The following GLRA2 variants were observed in gnomAD, a reference collection of about 807,000 sequenced individuals.
GLRA2 encodes the protein glycine receptor subunit alpha-2.
A neutral mutation model predicts 31.6 loss-of-function variants in GLRA2; 11 were observed. That is an observed-to-expected ratio of 0.35 (90% CI 0.22 to 0.58). GLRA2 has a LOEUF of 0.58. Among genes scored for constraint, GLRA2 ranks in the 20% least tolerant of loss-of-function variants. The probability of loss-of-function intolerance (pLI) is 0.84; values close to 1 mark genes in which losing one functional copy is unlikely to be tolerated. For synonymous variants in GLRA2, 132 were observed against 134.0 expected (o/e 0.99, Z 0.10); for missense variants, 212 against 351.8 (o/e 0.60, Z 3.18).
chrX:14,726,524 T>A (rs1270456555), intron 8 of GLRA2, among the ~76,000 whole-genome samples: 2 of 112,464 alleles, frequency 1.8e-5, no homozygotes, highest in Non-Finnish European at 3.8e-5. Context: ...GAAGCATAAT[T>A]TGAAATAGTG....
chrX:14,676,960 A>G (rs2091151698), intron 7 of GLRA2, among the ~76,000 whole-genome samples: 1 of 111,652 alleles, frequency 9.0e-6, no homozygotes, highest in Non-Finnish European at 1.9e-5. Context: ...GCAACTAACC[A>G]AATTCCACCA....
chrX:14,674,503 T>G (rs972631042), intron 7 of GLRA2, among the ~76,000 whole-genome samples: 19 of 111,445 alleles, frequency 1.7e-4, no homozygotes, highest in African/African-American at 5.9e-4. Context: ...ATCTGCCAAA[T>G]GAGTGTTAAG....
chrX:14,557,816 G>T (rs1255350179), intron 2 of GLRA2, among the ~76,000 whole-genome samples: 1 of 111,274 alleles, frequency 9.0e-6, no homozygotes, highest in Non-Finnish European at 1.9e-5. Flanking sequence ...CCTAACAAAA[G>T]AGAATGATTT....
At chrX:14,622,400 C>T (rs1601774424) in intron 7 of GLRA2, among the ~76,000 whole-genome samples, 1 of 111,773 alleles carries the variant, frequency 8.9e-6, no homozygotes, top group South Asian at 3.8e-4. Context: ...GCTTTTGTTG[C>T]CATTGCTTTT....
chrX:14,566,294 C>T (rs2089804110), intron 2 of GLRA2, among the ~76,000 whole-genome samples: 1 of 112,069 alleles, frequency 8.9e-6, no homozygotes, highest in South Asian at 3.7e-4. Flanking sequence ...GAGATTGAAT[C>T]AGCAATCAGA....
rs139404975 is a variant in GLRA2 at position 14,690,790 on chromosome X, G to C, written c.1011G>C (p.Ala337=). Residue 337 remains alanine, a synonymous_variant, in exon 8 of 9, where the codon GCG becomes GCC. Transcript: ENST00000218075. ...FVFAALLEYA[A]VNFVSRQHKE... ...TTGCTGCCTTACTGGAATACGCAGCGGTGAACTTCGTCTCCAGGCAACACA... is the reference window on the plus strand; with the variant it reads ...TTGCTGCCTTACTGGAATACGCAGCCGTGAACTTCGTCTCCAGGCAACACA... 3.3e-6 allele frequency: 4 copies of C among 1,200,919 alleles called. No individual in the cohort carries two copies. Among genetic ancestry groups the C allele is most frequent in the South Asian group, 3.5e-5 (2 of 56,691 alleles).
At chrX:14,590,454 C>A (rs1483340037) in intron 4 of GLRA2, among the ~76,000 whole-genome samples, 1 of 112,105 alleles carries the variant, frequency 8.9e-6, no homozygotes, top group Non-Finnish European at 1.9e-5. Flanking sequence ...TAGTCTGATG[C>A]AAGAACTTCA....
intron 8 of GLRA2, among the ~76,000 whole-genome samples, chrX:14,707,963 G>A (rs766544938): frequency 9.9e-5 from 11 of 110,847 alleles, no homozygotes; most frequent in African/African-American, 3.6e-4. Context: ...ATTGTTACCA[G>A]TTTCTTTTTT....
At chrX:14,575,488 C>A (rs965931385) in intron 3 of GLRA2, among the ~76,000 whole-genome samples, 4 of 111,057 alleles carry the variant, frequency 3.6e-5, no homozygotes, top group Non-Finnish European at 7.5e-5. Context: ...GCGTGAGCCA[C>A]CACAGGATCT....
chrX:14,640,124 G>A (rs184469631), intron 7 of GLRA2, among the ~76,000 whole-genome samples: 9 of 110,608 alleles, frequency 8.1e-5, no homozygotes, highest in Non-Finnish European at 1.9e-5. Context: ...AATTTTTAAT[G>A]TTTGCTTTCC....
intron 7 of GLRA2, among the ~76,000 whole-genome samples, chrX:14,656,644 T>C (rs1435977858): frequency 8.9e-6 from 1 of 112,402 alleles, no homozygotes; most frequent in Non-Finnish European, 1.9e-5. Flanking sequence ...TAGTAGTTAT[T>C]CAGTCATTCA....
chrX:14,466,772 C>T, the GLRA2 span, among the ~76,000 whole-genome samples: 1 of 112,153 alleles, frequency 8.9e-6, no homozygotes, highest in Non-Finnish European at 1.9e-5. Flanking sequence ...TTCCTGTTTA[C>T]ATCAAGGGAG....
At chrX:14,573,733 G>T (rs751221232) in intron 2 of GLRA2, among the ~76,000 whole-genome samples, 1 of 109,953 alleles carries the variant, frequency 9.1e-6, no homozygotes, top group African/African-American at 3.3e-5. Flanking sequence ...CAATATGGAC[G>T]TAAATTGACA....
rs149384876 is a variant in GLRA2 at position 14,695,035 on chromosome X, T to A, written c.1080+4176T>A. On this transcript the variant is annotated intron_variant, in intron 8 of 8. Coordinates refer to ENST00000218075, the MANE Select transcript of GLRA2 (RefSeq NM_002063.4). ...CATCTCGATAGAGTTGGCAAGTAATTAGATAGAAATATATGTTCAAGAAAG... is the reference window on the plus strand; with the variant it reads ...CATCTCGATAGAGTTGGCAAGTAATAAGATAGAAATATATGTTCAAGAAAG... Among the ~76,000 whole-genome samples, 526 of 111,796 alleles carry A rather than the reference T, an allele frequency of 4.7e-3. 3 individuals are homozygous for A. The highest frequency in any genetic ancestry group is 0.016 in the African/African-American group (495 of 30,835).
chrX:14,566,026 G>C (rs1193722762), intron 2 of GLRA2, among the ~76,000 whole-genome samples: 1 of 111,415 alleles, frequency 9.0e-6, no homozygotes, highest in South Asian at 3.7e-4. Flanking sequence ...AACGAAACCA[G>C]AAGTTTGTTC....
chrX:14,716,246 A>T (rs1050207025), intron 8 of GLRA2, among the ~76,000 whole-genome samples: 4 of 111,737 alleles, frequency 3.6e-5, no homozygotes, highest in Non-Finnish European at 7.5e-5. Flanking sequence ...ACAAATTCAG[A>T]AAATGGCCAA....
chrX:14,601,477 A>G (rs188954126), intron 4 of GLRA2, among the ~76,000 whole-genome samples: 46 of 112,022 alleles, frequency 4.1e-4, no homozygotes, highest in African/African-American at 1.4e-3. Context: ...CTGTTATATG[A>G]ATAGTTTTTA....
intron 2 of GLRA2, among the ~76,000 whole-genome samples, chrX:14,566,301 C>G (rs1229898103): frequency 8.9e-6 from 1 of 111,990 alleles, no homozygotes; most frequent in Non-Finnish European, 1.9e-5. Flanking sequence ...AATCAGCAAT[C>G]AGAAACCTCA....
intron 2 of GLRA2, among the ~76,000 whole-genome samples, chrX:14,548,632 T>A (rs2089512953): frequency 9.0e-6 from 1 of 111,660 alleles, no homozygotes; most frequent in Admixed American, 9.5e-5. Flanking sequence ...AAAGTTTTCT[T>A]TTCCATGCCT....
Sources: gnomAD v4.1 joint callset for allele counts (sites outside exome capture counted in the v4.1 genomes callset) on GRCh38, gnomAD v4.1.1 for gene constraint, MANE v1.5 for transcripts, NCBI Gene and HGNC (gene_info 2026-07-23, HGNC 2026-07-21) for gene names.